GALNTL6: variants seen among roughly 807,000 people sequenced by gnomAD.
GALNTL6 encodes the protein polypeptide N-acetylgalactosaminyltransferase like 6.
In GALNTL6, 46 loss-of-function variants were observed where a neutral mutation model predicts 73.7. The ratio of observed to expected loss-of-function variants is 0.62; its 90% CI spans 0.49 to 0.80. The LOEUF (loss-of-function observed/expected upper bound fraction) is 0.80, where lower values mean the gene tolerates loss of function less well. Ranked by LOEUF, GALNTL6 falls within the 30% of genes least tolerant of loss-of-function variation. The probability of loss-of-function intolerance (pLI) is 0.00; values close to 1 mark genes in which losing one functional copy is unlikely to be tolerated. For synonymous variants in GALNTL6, 259 were observed against 263.7 expected, an observed-to-expected ratio of 0.98 and a Z score of 0.17; for missense variants, 604 against 755.0, an observed-to-expected ratio of 0.80 and a Z score of 2.34.
At chr4:172,879,202 A>G (rs1481306157) in intron 7 of GALNTL6, among the ~76,000 whole-genome samples, 1 of 151,928 alleles carries the variant, frequency 6.6e-6, no homozygotes, top group Non-Finnish European at 1.5e-5. Flanking sequence ...CCCCTCTTTC[A>G]GTAATTGATA....
chr4:172,525,011 A>G (rs1349540244), intron 5 of GALNTL6, among the ~76,000 whole-genome samples: 1 of 152,168 alleles, frequency 6.6e-6, no homozygotes, highest in Non-Finnish European at 1.5e-5. Context: ...ATGGATATAT[A>G]ATTTTTTGGA....
At chr4:171,969,171 C>T (rs116062283) in intron 2 of GALNTL6, among the ~76,000 whole-genome samples, 3,102 of 152,188 alleles carry the variant, frequency 0.02, 125 homozygotes, top group African/African-American at 0.067. Context: ...CATGATACTT[C>T]CTCTCCTTCT....
intron 3 of GALNTL6, among the ~76,000 whole-genome samples, chr4:172,260,474 A>C (rs961174091): frequency 6.6e-6 from 1 of 151,546 alleles, no homozygotes; most frequent in East Asian, 1.9e-4. Context: ...AATTTTACTG[A>C]ATTTATTTGT....
intron 5 of GALNTL6, among the ~76,000 whole-genome samples, chr4:172,623,623 T>C (rs567506639): frequency 6.6e-6 from 1 of 152,142 alleles, no homozygotes; most frequent in Non-Finnish European, 1.5e-5. Flanking sequence ...TCCATTCAGC[T>C]CCTTTATTTC....
intron 5 of GALNTL6, among the ~76,000 whole-genome samples, chr4:172,609,346 G>C (rs1322429243): frequency 6.6e-6 from 1 of 152,056 alleles, no homozygotes; most frequent in Non-Finnish European, 1.5e-5. Context: ...GAGAATTTTA[G>C]ACATGTAGTA....
At chr4:172,546,309 A>G (rs562938427) in intron 5 of GALNTL6, among the ~76,000 whole-genome samples, 14 of 152,282 alleles carry the variant, frequency 9.2e-5, no homozygotes, top group African/African-American at 3.4e-4. Flanking sequence ...ACAGTATTCT[A>G]GCAGCTATGC....
intron 5 of GALNTL6, among the ~76,000 whole-genome samples, chr4:172,379,360 C>G (rs1001049230): frequency 1.3e-5 from 2 of 151,798 alleles, no homozygotes; most frequent in African/African-American, 4.8e-5. Flanking sequence ...GAAACCCCGT[C>G]TCTACTAACA....
intron 4 of GALNTL6, among the ~76,000 whole-genome samples, chr4:172,336,936 G>T (rs568050169): frequency 3.4e-4 from 52 of 152,228 alleles, no homozygotes; most frequent in African/African-American, 1.2e-3. Flanking sequence ...CTCCAACATT[G>T]GTACGCGTAT....
intron 2 of GALNTL6, among the ~76,000 whole-genome samples, chr4:172,105,448 GT>G (rs977464986): frequency 2.0e-4 from 30 of 151,474 alleles, no homozygotes; most frequent in South Asian, 6.3e-4. Context: ...ATAACATAAA[GT>G]TTTTTTTTAA....
intron 5 of GALNTL6, among the ~76,000 whole-genome samples, chr4:172,529,378 C>A (rs1735090258): frequency 6.6e-6 from 1 of 151,902 alleles, no homozygotes. Flanking sequence ...CTTGAAACTG[C>A]TAAATAGTAA....
chr4:172,346,174 T>C (rs747568424), intron 4 of GALNTL6, among the ~76,000 whole-genome samples: 1 of 152,152 alleles, frequency 6.6e-6, no homozygotes, highest in Admixed American at 6.5e-5. Flanking sequence ...TCCAGCAAAA[T>C]AGATTTTTAC....
chr4:172,961,264 G>A (rs543005297), intron 10 of GALNTL6, among the ~76,000 whole-genome samples: 17 of 144,344 alleles, frequency 1.2e-4, no homozygotes, highest in East Asian at 8.5e-4. Flanking sequence ...CCAGAAAAGC[G>A]GAGAAGGGGT....
At chr4:172,524,315 C>T (rs1734879946) in intron 5 of GALNTL6, among the ~76,000 whole-genome samples, 1 of 151,936 alleles carries the variant, frequency 6.6e-6, no homozygotes, top group Admixed American at 6.6e-5. Context: ...GTGGTGCAGT[C>T]TTGGCTCACC....
chr4:172,809,625 G>C lies in GALNTL6; in HGVS notation c.739+79G>C. ...TTTGCTTCTATTTAGTTTGCAATCAGCAAACACTAGAGGTCCCTTCTACAA... is the reference window on the plus strand; with the variant it reads ...TTTGCTTCTATTTAGTTTGCAATCACCAAACACTAGAGGTCCCTTCTACAA... On this transcript the variant is annotated intron_variant, in intron 6 of 12. Transcript: ENST00000506823. The surrounding 1 kb of genome is among the most constrained non-coding windows in gnomAD (Gnocchi z 4.4). The C allele has an allele frequency of 8.6e-7, 1 of 1,156,478 alleles. No individual in the cohort carries two copies. The highest frequency in any genetic ancestry group is 2.5e-5 in the Admixed American group (1 of 40,594). 71.6% of individuals were successfully genotyped at this position (1,156,478 alleles called of 1,614,324 possible).
intron 5 of GALNTL6, among the ~76,000 whole-genome samples, chr4:172,687,660 T>C (rs1733009691): frequency 6.6e-6 from 1 of 151,490 alleles, no homozygotes; most frequent in South Asian, 2.1e-4. Flanking sequence ...TTGAAGCTAC[T>C]GAACCTTTCC....
At chr4:172,767,161 C>A (rs537299741) in intron 5 of GALNTL6, among the ~76,000 whole-genome samples, 1 of 152,284 alleles carries the variant, frequency 6.6e-6, no homozygotes, top group East Asian at 1.9e-4. Flanking sequence ...GGCTGTCTTT[C>A]AACGTATTAT....
At chr4:172,093,032 C>A (rs1293750768) in intron 2 of GALNTL6, among the ~76,000 whole-genome samples, 1 of 151,760 alleles carries the variant, frequency 6.6e-6, no homozygotes, top group African/African-American at 2.4e-5. Flanking sequence ...CACCACCACG[C>A]CTGACTAATT....
intron 5 of GALNTL6, among the ~76,000 whole-genome samples, chr4:172,406,017 C>G (rs1307120919): frequency 6.6e-6 from 1 of 151,878 alleles, no homozygotes; most frequent in African/African-American, 2.4e-5. Context: ...GCCCTGAAAT[C>G]TAAATCTAGT....
chr4:172,935,513 A>G (rs563509769), intron 9 of GALNTL6, among the ~76,000 whole-genome samples: 70 of 152,194 alleles, frequency 4.6e-4, no homozygotes, highest in African/African-American at 1.6e-3. Flanking sequence ...TGAAAAGATC[A>G]ACAAAATAGG....
Sources: gnomAD v4.1 joint callset for allele counts (sites outside exome capture counted in the v4.1 genomes callset) on GRCh38, gnomAD v4.1.1 for gene constraint, Gnocchi (gnomAD v3.1) non-coding constraint, MANE v1.5 for transcripts, NCBI Gene and HGNC (gene_info 2026-07-23, HGNC 2026-07-21) for gene names.